The following EXD3 variants were observed in gnomAD, a reference collection of about 807,000 sequenced individuals.
The protein encoded by EXD3 is exonuclease mut-7 homolog.
A neutral mutation model predicts 98.0 loss-of-function variants in EXD3; 92 were observed. The ratio of observed to expected loss-of-function variants is 0.94; its 90% CI spans 0.79 to 1.12. The LOEUF is 1.12. Ranked by LOEUF, EXD3 falls within the 50% of genes most tolerant of loss-of-function variation. The probability of loss-of-function intolerance (pLI) is 0.00; values close to 1 mark genes in which losing one functional copy is unlikely to be tolerated. For synonymous variants in EXD3, 569 were observed against 526.0 expected (o/e 1.08, Z -1.12); for missense variants, 1,222 against 1,191.6 (o/e 1.03, Z -0.38).
At chr9:137,316,030 C>T (rs1261801719) in intron 19 of EXD3, among the ~76,000 whole-genome samples, 2 of 151,556 alleles carry the variant, frequency 1.3e-5, no homozygotes, top group Admixed American at 6.5e-5. Flanking sequence ...CTCCCCCTCC[C>T]CGGGGCTCCA....
At chr9:137,421,114 C>A (rs1306851231) in intron 1 of EXD3, among the ~76,000 whole-genome samples, 2 of 152,204 alleles carry the variant, frequency 1.3e-5, no homozygotes, top group East Asian at 3.8e-4. Flanking sequence ...CCATGCCCAG[C>A]CCTCAAGTGG....
intron 19 of EXD3, 127 bp downstream of exon 19, chr9:137,323,598 G>C: frequency 1.5e-6 from 2 of 1,353,674 alleles, no homozygotes; most frequent in Middle Eastern, 2.6e-4. Flanking sequence ...CCTGGACCAC[G>C]AGGGATGCTC....
At position 137,354,233 on chromosome 9, in the gene EXD3, C is replaced by T. The variant is rs1007720696; in HGVS notation, c.870+106G>A. The T allele has an allele frequency of 2.8e-5, 42 of 1,516,842 alleles. No individual in the cohort carries two copies. The East Asian group carries it at 3.6e-4, about 13-fold the overall frequency. The allele number at this position is 1,516,842 out of a possible 1,614,324, so 94.0% of individuals were successfully genotyped here. On this transcript the variant is annotated intron_variant, in intron 10 of 21. Coordinates refer to ENST00000340951, the MANE Select transcript of EXD3 (RefSeq NM_017820.5). Reference sequence around the variant, plus strand: ...TGGGGTCTGGGCTCAGCAGCCCCAGCGAAGGCCTCAGCTCTGCGCACTTCC... The same window carrying T: ...TGGGGTCTGGGCTCAGCAGCCCCAGTGAAGGCCTCAGCTCTGCGCACTTCC...
At chr9:137,392,434 G>A (rs933896229) in intron 2 of EXD3, 5 of 167,746 alleles carry the variant, frequency 3.0e-5, no homozygotes, top group African/African-American at 1.2e-4. Context: ...GTCCTGCTCA[G>A]TGACCAGGGT....
At chr9:137,369,191 G>T (rs1238606340) in intron 5 of EXD3, among the ~76,000 whole-genome samples, 1 of 150,324 alleles carries the variant, frequency 6.7e-6, no homozygotes, top group Non-Finnish European at 1.5e-5. Flanking sequence ...GCCGGGGAGG[G>T]GCACGGGGCC....
chr9:137,337,029 A>G (rs958368674), intron 17 of EXD3, among the ~76,000 whole-genome samples: 1 of 152,176 alleles, frequency 6.6e-6, no homozygotes, highest in African/African-American at 2.4e-5. Flanking sequence ...CTACTATATA[A>G]AAGAAGGTTG....
At chr9:137,329,992 C>CTACACAGGAA (rs1832910877) in intron 17 of EXD3, among the ~76,000 whole-genome samples, 1 of 133,852 alleles carries the variant, frequency 7.5e-6, no homozygotes. Context: ...CTACACAGGA[C>CTACACAGGAA]TACACAGGAG....
chr9:137,370,817 A>T lies in EXD3; in HGVS notation c.462+2088T>A, dbSNP rs1245580531. Among the ~76,000 whole-genome samples, 3 of 148,678 alleles carry T rather than the reference A, an allele frequency of 2.0e-5. No individual in the cohort carries two copies. The East Asian group carries it at 5.9e-4, about 29-fold the overall frequency. Reference sequence around the variant, plus strand: ...TTTTTTTTTTTTTTTTTTTTAAAGCAAAGCTATCTTTTTACCTTGATAAGC... The same window carrying T: ...TTTTTTTTTTTTTTTTTTTTAAAGCTAAGCTATCTTTTTACCTTGATAAGC... On this transcript the variant is annotated intron_variant, in intron 5 of 21. Coordinates refer to ENST00000340951, the MANE Select transcript of EXD3 (RefSeq NM_017820.5).
At chr9:137,341,430 A>G (rs1016067485) in intron 17 of EXD3, among the ~76,000 whole-genome samples, 2 of 152,248 alleles carry the variant, frequency 1.3e-5, no homozygotes, top group Non-Finnish European at 2.9e-5. Flanking sequence ...GACTCATTAC[A>G]GTGAATAATA....
intron 6 of EXD3, 43 bp downstream of exon 6, chr9:137,367,893 T>C: frequency 6.3e-7 from 1 of 1,589,632 alleles, no homozygotes; most frequent in Non-Finnish European, 8.6e-7. Flanking sequence ...CTGGGCGTTA[T>C]CCAAGTTTGA....
chr9:137,370,680 G>A (rs1291892212), intron 5 of EXD3, among the ~76,000 whole-genome samples: 3 of 151,652 alleles, frequency 2.0e-5, no homozygotes, highest in Non-Finnish European at 4.4e-5. Context: ...GCTCCCCTGG[G>A]CCCCCCATTC....
intron 7 of EXD3, among the ~76,000 whole-genome samples, chr9:137,356,626 G>T (rs1834804843): frequency 6.6e-6 from 1 of 152,106 alleles, no homozygotes; most frequent in Non-Finnish European, 1.5e-5. Context: ...CTGGGTATTT[G>T]GTATTGACTT....
chr9:137,398,775 G>A lies in EXD3; in HGVS notation c.-47-3371C>T, dbSNP rs1239560871. On this transcript the variant is annotated intron_variant, in intron 1 of 21. Transcript: ENST00000340951. ...GAGACACACAGGCACCCGCGTCCCC[G>A]TGACACACAGGCACCCGCGTCCCCG... is the stretch of plus-strand genomic sequence containing the variant. Among the ~76,000 whole-genome samples, 31 of 65,986 alleles carry A rather than the reference G, an allele frequency of 4.7e-4. 1 individual carries two copies. The highest frequency in any genetic ancestry group is 2.2e-3 in the African/African-American group (28 of 12,700). The allele number at this position is 65,986 out of a possible 152,430, so 43.3% of individuals were successfully genotyped here.
intron 1 of EXD3, among the ~76,000 whole-genome samples, chr9:137,418,029 TG>T (rs35718228): frequency 0.019 from 2,945 of 152,218 alleles, 84 homozygotes; most frequent in African/African-American, 0.066. Flanking sequence ...GTCTGTGCCC[TG>T]GGTGATGCCA....
At chr9:137,321,420 C>G (rs770618539) in intron 19 of EXD3, among the ~76,000 whole-genome samples, 1 of 152,200 alleles carries the variant, frequency 6.6e-6, no homozygotes, top group African/African-American at 2.4e-5. Context: ...GGATTACTCA[C>G]GCCTGTCATC....
intron 10 of EXD3, chr9:137,353,486 G>T: frequency 3.0e-6 from 3 of 985,300 alleles, no homozygotes; most frequent in Non-Finnish European, 3.6e-6. Flanking sequence ...GGAGGCTATT[G>T]GGCACCCATT....
At chr9:137,364,766 CTA>C (rs1835137374) in intron 7 of EXD3, among the ~76,000 whole-genome samples, 1 of 129,886 alleles carries the variant, frequency 7.7e-6, no homozygotes, top group African/African-American at 2.8e-5. Context: ...CTGTTTTGTT[CTA>C]TGTTTTTTTT....
At chr9:137,350,621 A>G (rs1834243337) in intron 14 of EXD3, among the ~76,000 whole-genome samples, 1 of 67,236 alleles carries the variant, frequency 1.5e-5, no homozygotes, top group African/African-American at 5.6e-5. Context: ...TTCTAGATAG[A>G]GAGGGGTGGG....
Position 137,324,939 on chromosome 9 carries a change from G to A in EXD3, c.1999-796C>T, listed in dbSNP as rs554842796. On this transcript the variant is annotated intron_variant, in intron 17 of 21. Transcript: ENST00000340951. The surrounding 1 kb of genome is among the most constrained non-coding windows in gnomAD (Gnocchi z 4.1). ...GATCTCCTGACCTCGTGATCTGCCC[G>A]CCTCGGCCTCCCAAAGTGCTGGGAT... 4.6e-5 allele frequency among the ~76,000 whole-genome samples: 7 copies of A among 152,198 alleles called. No individual in the cohort carries two copies. The highest frequency in any genetic ancestry group is 4.1e-4 in the South Asian group (2 of 4,822).
Sources: allele counts gnomAD v4.1 joint callset (sites outside exome capture counted in the v4.1 genomes callset), GRCh38; gene constraint gnomAD v4.1.1; non-coding constraint Gnocchi (gnomAD v3.1); transcripts MANE v1.5; gene names NCBI Gene and HGNC (gene_info 2026-07-23, HGNC 2026-07-21).